Variants in ALCAM observed in about 807,000 individuals in gnomAD.
The protein encoded by ALCAM is activated leukocyte cell adhesion molecule.
A neutral mutation model predicts 70.9 loss-of-function variants in ALCAM; 30 were observed. The ratio of observed to expected loss-of-function variants is 0.42; its 90% CI spans 0.32 to 0.57. The LOEUF (loss-of-function observed/expected upper bound fraction) is 0.57, where lower values mean the gene tolerates loss of function less well. Among genes scored for constraint, ALCAM ranks in the 20% least tolerant of loss-of-function variants. The pLI, the probability that ALCAM is intolerant of heterozygous loss-of-function variation, is 0.11. For synonymous variants in ALCAM, 249 were observed against 242.5 expected, an observed-to-expected ratio of 1.03 and a Z score of -0.25; for missense variants, 591 against 695.1, an observed-to-expected ratio of 0.85 and a Z score of 1.68.
chr3:105,490,793 G>A (rs1260962471), intron 1 of ALCAM, among the ~76,000 whole-genome samples: 1 of 152,144 alleles, frequency 6.6e-6, no homozygotes, highest in Non-Finnish European at 1.5e-5. Context: ...GGCTTTGCAG[G>A]GTATGGCCCC....
At chr3:105,432,315 T>C (rs1417107884) in intron 1 of ALCAM, among the ~76,000 whole-genome samples, 1 of 152,186 alleles carries the variant, frequency 6.6e-6, no homozygotes, top group African/African-American at 2.4e-5. Context: ...CCCCTTTTTC[T>C]TAAAACATTT....
At chr3:105,468,940 A>C (rs1161989160) in intron 1 of ALCAM, among the ~76,000 whole-genome samples, 1 of 151,210 alleles carries the variant, frequency 6.6e-6, no homozygotes, top group East Asian at 1.9e-4. Context: ...GCATAGTTAG[A>C]TGCTTTAAAA....
At chr3:105,443,606 T>C (rs557237188) in intron 1 of ALCAM, among the ~76,000 whole-genome samples, 3 of 152,356 alleles carry the variant, frequency 2.0e-5, no homozygotes, top group African/African-American at 7.2e-5. Flanking sequence ...TAATTTAAAA[T>C]GGTTTCTTTT....
At chr3:105,500,860 A>G (rs890836337) in intron 1 of ALCAM, among the ~76,000 whole-genome samples, 1 of 152,180 alleles carries the variant, frequency 6.6e-6, no homozygotes, top group Non-Finnish European at 1.5e-5. Context: ...TATTTCCTAC[A>G]GCTGGAGTCT....
At chr3:105,424,763 GT>G (rs1277033109) in intron 1 of ALCAM, among the ~76,000 whole-genome samples, 2 of 151,782 alleles carry the variant, frequency 1.3e-5, no homozygotes, top group East Asian at 3.9e-4. Flanking sequence ...GACTAAAATG[GT>G]GTCGGTTAAT....
chr3:105,486,925 T>G (rs976140661), intron 1 of ALCAM, among the ~76,000 whole-genome samples: 1 of 146,488 alleles, frequency 6.8e-6, no homozygotes, highest in Non-Finnish European at 1.5e-5. Flanking sequence ...AGTGAATTAT[T>G]CTTCGGCTAT....
At chr3:105,528,335 G>T (rs1360746179) in intron 3 of ALCAM, among the ~76,000 whole-genome samples, 1 of 152,032 alleles carries the variant, frequency 6.6e-6, no homozygotes, top group Non-Finnish European at 1.5e-5. Flanking sequence ...AATAGTCTGG[G>T]TATTAGAACA....
chr3:105,492,177 A>G (rs1260429026), intron 1 of ALCAM, among the ~76,000 whole-genome samples: 2 of 152,162 alleles, frequency 1.3e-5, no homozygotes, highest in East Asian at 1.9e-4. Flanking sequence ...AGCTCCTTAT[A>G]AAAGCATCGG....
intron 14 of ALCAM, among the ~76,000 whole-genome samples, chr3:105,554,448 T>A (rs903599558): frequency 6.6e-6 from 1 of 151,982 alleles, no homozygotes; most frequent in Non-Finnish European, 1.5e-5. Context: ...CAATCTGCTT[T>A]ACTTAGCCTA....
rs540768238 is a variant in ALCAM, at chr3:105,486,398, C to A, written c.74-33669C>A. ...CTGCTCTCTGAATAAGACTATTGTACCAGTTTATAAGGCTTGATATATTTT... is the reference window on the plus strand; with the variant it reads ...CTGCTCTCTGAATAAGACTATTGTAACAGTTTATAAGGCTTGATATATTTT... On this transcript the variant is annotated intron_variant, in intron 1 of 15. Transcript: ENST00000306107. 5.1e-4 allele frequency among the ~76,000 whole-genome samples: 78 copies of A among 152,178 alleles called. No individual in the cohort carries two copies. In the South Asian group the frequency reaches 0.016, roughly 31 times the overall value.
intron 1 of ALCAM, among the ~76,000 whole-genome samples, chr3:105,430,398 A>T (rs561761157): frequency 1.3e-5 from 2 of 151,954 alleles, no homozygotes; most frequent in African/African-American, 4.8e-5. Context: ...TACATTTTTA[A>T]AAATAATTTT....
At chr3:105,407,996 CCTAA>C (rs756288536) in intron 1 of ALCAM, among the ~76,000 whole-genome samples, 12 of 152,032 alleles carry the variant, frequency 7.9e-5, no homozygotes, top group East Asian at 1.9e-4. Flanking sequence ...TAAGAATATA[CCTAA>C]CTAAGGACGT....
chr3:105,558,635 A>G (rs1434677430), intron 14 of ALCAM, among the ~76,000 whole-genome samples: 1 of 152,150 alleles, frequency 6.6e-6, no homozygotes, highest in Non-Finnish European at 1.5e-5. Context: ...AAGGTCTTAA[A>G]TCTTCTGAAA....
At chr3:105,449,636 G>T (rs1206066882) in intron 1 of ALCAM, among the ~76,000 whole-genome samples, 1 of 152,068 alleles carries the variant, frequency 6.6e-6, no homozygotes, top group African/African-American at 2.4e-5. Context: ...CATCCTATTA[G>T]CAATCCCTCG....
intron 1 of ALCAM, among the ~76,000 whole-genome samples, chr3:105,449,960 G>A (rs73183124): frequency 0.16 from 24,511 of 151,992 alleles, 2,237 homozygotes; most frequent in East Asian, 0.37. Context: ...ACTCAAACTC[G>A]TCTATTGTGT....
chr3:105,468,306 T>C (rs1402196195), intron 1 of ALCAM, among the ~76,000 whole-genome samples: 2 of 151,258 alleles, frequency 1.3e-5, no homozygotes, highest in Admixed American at 1.3e-4. Flanking sequence ...AATAAATTAG[T>C]AAAAAGTTTG....
At chr3:105,405,634 AGACAGAT>A (rs1936208986) in intron 1 of ALCAM, among the ~76,000 whole-genome samples, 1 of 152,228 alleles carries the variant, frequency 6.6e-6, no homozygotes, top group South Asian at 2.1e-4. Flanking sequence ...ACATTCTCCA[AGACAGAT>A]GATATAATAG....
intron 1 of ALCAM, among the ~76,000 whole-genome samples, chr3:105,472,487 A>C (rs1337353450): frequency 6.6e-6 from 1 of 151,542 alleles, no homozygotes; most frequent in Admixed American, 6.6e-5. Flanking sequence ...GAAGCAGGAC[A>C]CCAGCAGCTA....
rs775647254 is a variant in ALCAM, at chr3:105,552,625, T to A, written c.1664+40T>A. ...AAAGATCTTCATCGTTCATTGACTT[T>A]CACTGGGAGAAAATACAATGTGCTA... is the stretch of plus-strand genomic sequence containing the variant. On this transcript the variant is annotated intron_variant, in intron 14 of 15. Transcript: ENST00000306107. 11 of 1,609,922 alleles carry A rather than the reference T, an allele frequency of 6.8e-6. No individual in the cohort carries two copies. The South Asian group carries it at 9.9e-5, about 14-fold the overall frequency.
Sources: gnomAD v4.1 joint callset for allele counts (sites outside exome capture counted in the v4.1 genomes callset) on GRCh38, gnomAD v4.1.1 for gene constraint, MANE v1.5 for transcripts, NCBI Gene and HGNC (gene_info 2026-07-23, HGNC 2026-07-21) for gene names.